Variants in KRIT1 observed in about 807,000 individuals in gnomAD.
The protein encoded by KRIT1 is KRIT1 ankyrin repeat containing.
A neutral mutation model predicts 95.8 loss-of-function variants in KRIT1; 45 were observed. The ratio of observed to expected loss-of-function variants is 0.47; its 90% CI spans 0.37 to 0.60. The LOEUF is 0.60. KRIT1 is among the 20% of genes least tolerant of loss of function. The probability of loss-of-function intolerance (pLI) is 0.00; values close to 1 mark genes in which losing one functional copy is unlikely to be tolerated. For missense variants in KRIT1, 788 were observed against 877.5 expected (o/e 0.90, Z 1.29); for synonymous variants, 282 against 278.8 (o/e 1.01, Z -0.11).
chr7:92,199,493 T>C lies in KRIT1; in HGVS notation c.*1243A>G, dbSNP rs1207192661. On this transcript the variant is annotated 3_prime_UTR_variant, in exon 19 of 19. Transcript: ENST00000394505. ...AATAGCACATTCATCAAGTTGGCTCTTCATCTATATCACTACTTTCCTAAA... is the reference window on the plus strand; with the variant it reads ...AATAGCACATTCATCAAGTTGGCTCCTCATCTATATCACTACTTTCCTAAA... 1 of 152,226 alleles carries C rather than the reference T, an allele frequency of 6.6e-6. No individual in the cohort carries two copies. The highest frequency in any genetic ancestry group is 1.5e-5 in the Non-Finnish European group (1 of 68,040). The allele number at this position is 152,226 out of a possible 1,614,324, so 9.4% of individuals were successfully genotyped here.
intron 14 of KRIT1, among the ~76,000 whole-genome samples, chr7:92,216,678 C>T (rs1342972174): frequency 6.6e-6 from 1 of 152,078 alleles, no homozygotes; most frequent in Non-Finnish European, 1.5e-5. Context: ...ATACACTAAA[C>T]CAAATTGTTA....
Position 92,221,961 on chromosome 7 carries a change from C to T in KRIT1, c.1504G>A (p.Glu502Lys). 6.2e-7 allele frequency: 1 copy of T among 1,613,678 alleles called. No individual in the cohort carries two copies. The highest frequency in any genetic ancestry group is 8.5e-7 in the Non-Finnish European group (1 of 1,179,656). ...AELTNLDPQR[E>K]TPQLFLRRDV... ...CTTCTTAGAAAAAGCTGAGGTGTTT[C>T]CCTTTGAGGATCCAGATTAGTCAAT... Residue 502 changes from glutamate (E) to lysine (K), a missense_variant, in exon 14 of 19, where the codon GAA becomes AAA. Around this residue, in one of 3 missense-constraint regions of KRIT1, gnomAD observed 493 missense variants for 582.3 expected, o/e 0.85. Transcript: ENST00000394505.
chr7:92,238,016 C>A (rs1252556351), intron 5 of KRIT1, among the ~76,000 whole-genome samples: 1 of 152,068 alleles, frequency 6.6e-6, no homozygotes, highest in Non-Finnish European at 1.5e-5. Flanking sequence ...AACTGTTCTG[C>A]TAAGAGCTGA....
intron 11 of KRIT1, among the ~76,000 whole-genome samples, chr7:92,226,096 TATG>T (rs943248460): frequency 1.4e-4 from 21 of 152,222 alleles, no homozygotes; most frequent in Admixed American, 7.2e-4. Context: ...TTTTCCTCTT[TATG>T]ATATTCCTTT....
At chr7:92,234,190 G>A (rs951562950) in intron 10 of KRIT1, among the ~76,000 whole-genome samples, 1 of 152,200 alleles carries the variant, frequency 6.6e-6, no homozygotes, top group Non-Finnish European at 1.5e-5. Flanking sequence ...ACTCTACAGT[G>A]ACATTTACTA....
chr7:92,235,204 T>C (rs2131655656), intron 8 of KRIT1, among the ~76,000 whole-genome samples, 199 bp downstream of exon 8: 2 of 152,256 alleles, frequency 1.3e-5, no homozygotes, highest in Middle Eastern at 3.4e-3. Flanking sequence ...TTCACCATGT[T>C]GGCCAGGCTG....
intron 10 of KRIT1, among the ~76,000 whole-genome samples, chr7:92,229,543 G>A (rs1438188668): frequency 6.6e-6 from 1 of 152,130 alleles, no homozygotes; most frequent in East Asian, 1.9e-4. Context: ...ATGAAAAAAA[G>A]CTCAATATCA....
At chr7:92,221,535 C>G (rs142805389) in intron 14 of KRIT1, among the ~76,000 whole-genome samples, 22 of 152,306 alleles carry the variant, frequency 1.4e-4, no homozygotes, top group African/African-American at 5.3e-4. Flanking sequence ...TCTTCCACAC[C>G]AGTGTTTCTC....
At position 92,228,146 on chromosome 7, in the gene KRIT1, T is replaced by C. The variant is rs1796575079; in HGVS notation, c.990-1464A>G. On this transcript the variant is annotated intron_variant, in intron 10 of 18. Transcript: ENST00000394505. ...GTGGGATTAGAGGCGTGGGCCACCATGCCCAGCCTGAACTGAATTTTTAAA... is the reference window on the plus strand; with the variant it reads ...GTGGGATTAGAGGCGTGGGCCACCACGCCCAGCCTGAACTGAATTTTTAAA... Among the ~76,000 whole-genome samples the C allele has an allele frequency of 2.6e-5, 4 of 152,312 alleles. No individual in the cohort carries two copies. The South Asian group carries it at 8.3e-4, about 32-fold the overall frequency.
chr7:92,222,800 A>G, intron 13 of KRIT1, 22 bp downstream of exon 13: 1 of 1,461,572 alleles, frequency 6.8e-7, no homozygotes, highest in Non-Finnish European at 9.6e-7. Flanking sequence ...GGTTTACTAT[A>G]ACATAATAAA....
chr7:92,235,338 G>T, intron 8 of KRIT1, 65 bp downstream of exon 8: 1 of 1,519,504 alleles, frequency 6.6e-7, no homozygotes, highest in Non-Finnish European at 9.1e-7. Flanking sequence ...TATATCTCAG[G>T]AAAAAAAATT....
intron 17 of KRIT1, among the ~76,000 whole-genome samples, chr7:92,208,682 A>C: frequency 6.6e-6 from 1 of 152,208 alleles, no homozygotes; most frequent in Non-Finnish European, 1.5e-5. Flanking sequence ...AAACCTCAAC[A>C]GATAAATTCT....
intron 17 of KRIT1, among the ~76,000 whole-genome samples, chr7:92,207,044 T>C (rs762987544): frequency 6.6e-5 from 10 of 151,106 alleles, no homozygotes; most frequent in Non-Finnish European, 1.2e-4. Context: ...AATTCTGAGA[T>C]TTTAGAGGGA....
chr7:92,200,876 G>C, intron 18 of KRIT1, 72 bp from the exon 19 acceptor site: 1 of 1,036,218 alleles, frequency 9.7e-7, no homozygotes, highest in Non-Finnish European at 1.5e-6. Flanking sequence ...ATGACATTGG[G>C]CAGTTCCCTA....
At chr7:92,215,761 CTTTTTTT>C (rs79274180) in intron 14 of KRIT1, among the ~76,000 whole-genome samples, 1 of 141,072 alleles carries the variant, frequency 7.1e-6, no homozygotes, top group Non-Finnish European at 1.5e-5. Flanking sequence ...TGGCCTAGAT[CTTTTTTT>C]TTTTTTTTAA....
intron 15 of KRIT1, among the ~76,000 whole-genome samples, chr7:92,214,289 T>C (rs1455527723): frequency 6.6e-6 from 1 of 152,096 alleles, no homozygotes; most frequent in African/African-American, 2.4e-5. Context: ...CTAGTTTTTA[T>C]GGTGGGATTC....
In KRIT1 at chr7:92,222,062, C is replaced by T. The variant is rs199932606; in HGVS notation, c.1412-9G>A. 893 of 1,608,086 alleles carry T rather than the reference C, an allele frequency of 5.6e-4. No individual in the cohort carries two copies. The highest frequency in any genetic ancestry group is 8.7e-4 in the Admixed American group (52 of 60,012). On this transcript the variant is annotated splice_polypyrimidine_tract_variant and intron_variant, in intron 13 of 18. Transcript: ENST00000394505. ...TGGTTTGAGTTGAAGGCCTGAAAAA[C>T]ATCATTCCTTTTATAAATGATAATG... is the stretch of plus-strand genomic sequence containing the variant.
intron 10 of KRIT1, among the ~76,000 whole-genome samples, chr7:92,226,985 T>C (rs1210415466): frequency 6.6e-6 from 1 of 152,210 alleles, no homozygotes; most frequent in African/African-American, 2.4e-5. Context: ...CTACAAAGGT[T>C]AGATACAATT....
chr7:92,232,867 G>A (rs910440026), intron 10 of KRIT1, among the ~76,000 whole-genome samples: 5 of 151,890 alleles, frequency 3.3e-5, no homozygotes, highest in Non-Finnish European at 4.4e-5. Context: ...CTAATTTTTT[G>A]TATATTTAAT....
Sources: allele counts gnomAD v4.1 joint callset (sites outside exome capture counted in the v4.1 genomes callset), GRCh38; gene constraint gnomAD v4.1.1; regional missense constraint gnomAD v4.1.1; transcripts MANE v1.5; gene names NCBI Gene and HGNC (gene_info 2026-07-23, HGNC 2026-07-21).